Variants in ATG3 observed in about 807,000 individuals in gnomAD.
ATG3 encodes autophagy related 3, also known as ubiquitin-like-conjugating enzyme ATG3.
Under a neutral mutation model 50.7 loss-of-function variants are expected in ATG3, and 25 were observed. The observed-to-expected ratio is 0.49, with a 90% CI of 0.36 to 0.69. ATG3 has a LOEUF of 0.69. Among genes scored for constraint, ATG3 ranks in the 30% least tolerant of loss-of-function variants. The probability of loss-of-function intolerance (pLI) is 0.00; values close to 1 mark genes in which losing one functional copy is unlikely to be tolerated. For missense variants in ATG3, 281 were observed against 376.0 expected, an observed-to-expected ratio of 0.75 and a Z score of 2.09; for synonymous variants, 119 against 125.5, an observed-to-expected ratio of 0.95 and a Z score of 0.34.
rs539520832 is a variant in ATG3, at chr3:112,552,395, A to T, written c.164+885T>A. Among the ~76,000 whole-genome samples, 12 of 152,148 alleles carry T rather than the reference A, an allele frequency of 7.9e-5. No homozygotes were observed. The South Asian group carries it at 1.4e-3, about 18-fold the overall frequency. ...CTTAAGGTACCTTAGTAATTAAAAT[A>T]AAAGGTATTGAAAAAAAATAAAAAC... is the stretch of plus-strand genomic sequence containing the variant. On this transcript the variant is annotated intron_variant, in intron 3 of 11. Coordinates refer to ENST00000283290, the MANE Select transcript of ATG3 (RefSeq NM_022488.5).
Position 112,542,451 on chromosome 3 carries a change from G to A in ATG3, c.394-567C>T, listed in dbSNP as rs1291827468. 3.9e-5 allele frequency among the ~76,000 whole-genome samples: 6 copies of A among 152,008 alleles called. No individual in the cohort carries two copies. In the East Asian group the frequency reaches 5.8e-4, roughly 15 times the overall value. ...TGGACAGGTTTAACATCTGGGTATC[G>A]TTTTCACAAAATTAATATTCTGAAA... On this transcript the variant is annotated intron_variant, in intron 6 of 11. Coordinates refer to ENST00000283290, the MANE Select transcript of ATG3 (RefSeq NM_022488.5).
At chr3:112,537,671 A>G (rs1933106960) in intron 9 of ATG3, 64 bp downstream of exon 9, 1 of 1,281,026 alleles carries the variant, frequency 7.8e-7, no homozygotes, top group African/African-American at 1.5e-5. Context: ...GACCTAATGA[A>G]GAAGAAATTA....
chr3:112,534,076 T>C lies in ATG3; in HGVS notation c.863+193A>G, dbSNP rs578100679. On this transcript the variant is annotated intron_variant, in intron 11 of 11. Coordinates refer to ENST00000283290, the MANE Select transcript of ATG3 (RefSeq NM_022488.5). ...GCTACTGCTACACATGGGGACATGT[T>C]CTAATCAACTAAGCAAGGCATAACT... 4.2e-4 allele frequency: 555 copies of C among 1,322,142 alleles called. 1 individual carries two copies. The highest frequency in any genetic ancestry group is 1.5e-3 in the Admixed American group (42 of 27,592). 81.9% of individuals were successfully genotyped at this position (1,322,142 alleles called of 1,614,324 possible). A position where few individuals can be genotyped will look rare whatever the true frequency, so the allele number is the denominator to read the frequency against.
chr3:112,560,555 TCTAA>T (rs1383156914), intron 1 of ATG3, among the ~76,000 whole-genome samples: 1 of 152,046 alleles, frequency 6.6e-6, no homozygotes, highest in Admixed American at 6.6e-5. Flanking sequence ...ATTGGTACAT[TCTAA>T]CTGAAAGCTT....
chr3:112,540,776 A>C (rs1489550759), intron 7 of ATG3, among the ~76,000 whole-genome samples: 1 of 152,204 alleles, frequency 6.6e-6, no homozygotes, highest in Admixed American at 6.5e-5. Context: ...AAAAAGAGGA[A>C]GATATGGTTA....
In ATG3 at chr3:112,561,775, T is replaced by C; in HGVS notation, c.-247A>G. 2 of 498,602 alleles carry C rather than the reference T, an allele frequency of 4.0e-6. No individual in the cohort carries two copies. The highest frequency in any genetic ancestry group is 7.0e-6 in the Non-Finnish European group (2 of 283,876). 30.9% of individuals were successfully genotyped at this position (498,602 alleles called of 1,614,324 possible). ...CAGCCCGCGACGGACCGGACCCAGCTGTCACCCAGCCGCGAGGGAGGGCAG... is the reference window on the plus strand; with the variant it reads ...CAGCCCGCGACGGACCGGACCCAGCCGTCACCCAGCCGCGAGGGAGGGCAG... On this transcript the variant is annotated 5_prime_UTR_variant, in exon 1 of 12. Transcript: ENST00000283290.
rs1157437637 is a variant in ATG3 at position 112,561,544 on chromosome 3, G to C, written c.-16C>G. 6.2e-7 allele frequency: 1 copy of C among 1,603,510 alleles called. No individual in the cohort carries two copies. Among genetic ancestry groups the C allele is most frequent in the Admixed American group, 1.7e-5 (1 of 59,322 alleles). ...CATTCTGCATCCTGGGGCCGGAGTA[G>C]CGGCCGGCCCCGCGACGGGATGGAA... On this transcript the variant is annotated 5_prime_UTR_variant, in exon 1 of 12. Coordinates refer to ENST00000283290, the MANE Select transcript of ATG3 (RefSeq NM_022488.5).
At position 112,561,588 on chromosome 3, in the gene ATG3, G is replaced by T; in HGVS notation, c.-60C>A. 1.3e-6 allele frequency: 2 copies of T among 1,533,772 alleles called. No homozygotes were observed. Among genetic ancestry groups the T allele is most frequent in the Non-Finnish European group, 1.8e-6 (2 of 1,127,218 alleles). ...GATGGAAAGTGCAGCCGTGTCAGGG[G>T]CCAGGGAGTCAGAAAATGTCCTCGC... On this transcript the variant is annotated 5_prime_UTR_variant, in exon 1 of 12. Transcript: ENST00000283290.
At chr3:112,554,483 A>G (rs1274052555) in intron 2 of ATG3, among the ~76,000 whole-genome samples, 1 of 152,114 alleles carries the variant, frequency 6.6e-6, no homozygotes, top group Non-Finnish European at 1.5e-5. Flanking sequence ...TCCACTGCCT[A>G]TCCCAAAATC....
At chr3:112,534,517 G>T in intron 10 of ATG3, 180 bp from the exon 11 acceptor site, 1 of 363,308 alleles carries the variant, frequency 2.8e-6, no homozygotes, top group Non-Finnish European at 4.8e-6. Context: ...TATTAAAATA[G>T]TTAAATTATA....
intron 10 of ATG3, 190 bp downstream of exon 10, chr3:112,536,285 T>A: frequency 1.7e-6 from 1 of 594,150 alleles, no homozygotes. Context: ...TAAAACAAAT[T>A]GGTAAGTTTT....
chr3:112,558,134 C>G, intron 2 of ATG3: 1 of 486,926 alleles, frequency 2.1e-6, no homozygotes, highest in South Asian at 2.7e-5. Flanking sequence ...ATTTTGATCC[C>G]TTCTTTCACC....
At chr3:112,541,738 C>T (rs1227926817) in intron 7 of ATG3, 65 bp downstream of exon 7, 2 of 1,380,232 alleles carry the variant, frequency 1.4e-6, no homozygotes, top group Non-Finnish European at 2.0e-6. Context: ...TCTTAATCCA[C>T]ATAAATTACA....
intron 2 of ATG3, among the ~76,000 whole-genome samples, chr3:112,555,848 G>C (rs1337043528): frequency 6.6e-6 from 1 of 152,120 alleles, no homozygotes; most frequent in Non-Finnish European, 1.5e-5. Flanking sequence ...TTCATAAATT[G>C]ATTGATGTTG....
intron 11 of ATG3, chr3:112,533,794 C>G: frequency 2.0e-6 from 2 of 985,428 alleles, no homozygotes; most frequent in Non-Finnish European, 2.4e-6. Context: ...AAGAAAGGTG[C>G]TACTGTCTTG....
At chr3:112,549,815 AAAC>A in intron 4 of ATG3, among the ~76,000 whole-genome samples, 1 of 149,974 alleles carries the variant, frequency 6.7e-6, no homozygotes, top group Non-Finnish European at 1.5e-5. Flanking sequence ...AAAAAAAAAA[AAAC>A]CACTACCTGT....
Position 112,532,778 on chromosome 3 carries a change from T to C in ATG3, c.866A>G (p.Tyr289Cys), listed in dbSNP as rs1408630871. The change falls in exon 12 of 12, where the codon TAT (tyrosine) becomes TGT (cysteine). Residue 289 changes from tyrosine (Y) to cysteine (C), a missense_variant and splice_region_variant. Around this residue, in one of 3 missense-constraint regions of ATG3, gnomAD observed 242 missense variants for 305.0 expected, o/e 0.79. Coordinates refer to ENST00000283290, the MANE Select transcript of ATG3 (RefSeq NM_022488.5). ...EGGGELGVHM[Y>C]LLIFLKFVQA... Reference sequence around the variant, plus strand: ...TACAAATTTCAAGAAAATAAGAAGATACCTAAAGGTTTTTAGCTAAGGAAA... The same window carrying C: ...TACAAATTTCAAGAAAATAAGAAGACACCTAAAGGTTTTTAGCTAAGGAAA... 1.3e-6 allele frequency: 2 copies of C among 1,587,182 alleles called. No individual in the cohort carries two copies. The highest frequency in any genetic ancestry group is 1.1e-5 in the South Asian group (1 of 87,264).
chr3:112,553,249 A>C (rs768967078), intron 3 of ATG3, 31 bp downstream of exon 3: 4 of 1,569,798 alleles, frequency 2.5e-6, no homozygotes, highest in Non-Finnish European at 2.6e-6. Context: ...GCATTTTACT[A>C]ATTTTCTATT....
At chr3:112,534,038 G>A (rs759560577) in intron 11 of ATG3, 19 of 1,244,730 alleles carry the variant, frequency 1.5e-5, no homozygotes, top group Non-Finnish European at 1.9e-5. Flanking sequence ...AGTTACCTCT[G>A]TAACAAGGGT....
Sources: gnomAD v4.1 joint callset for allele counts (sites outside exome capture counted in the v4.1 genomes callset) on GRCh38, gnomAD v4.1.1 for gene constraint, gnomAD v4.1.1 regional missense constraint, MANE v1.5 for transcripts, NCBI Gene and HGNC (gene_info 2026-07-23, HGNC 2026-07-21) for gene names.